GALNTL6: variants seen among roughly 807,000 people sequenced by gnomAD.
GALNTL6 encodes the protein polypeptide N-acetylgalactosaminyltransferase like 6.
GALNTL6 carries 46 observed loss-of-function variants against 73.7 expected under a neutral mutation model. The observed-to-expected ratio is 0.62, with a 90% CI of 0.49 to 0.80. The LOEUF is 0.80. Ranked by LOEUF, GALNTL6 falls within the 30% of genes least tolerant of loss-of-function variation. GALNTL6 has a pLI of 0.00. For missense variants in GALNTL6, 604 were observed against 755.0 expected (o/e 0.80, Z 2.34); for synonymous variants, 259 against 263.7 (o/e 0.98, Z 0.17).
intron 2 of GALNTL6, among the ~76,000 whole-genome samples, chr4:172,224,902 C>G (rs961392126): frequency 6.6e-6 from 1 of 152,088 alleles, no homozygotes; most frequent in Non-Finnish European, 1.5e-5. Context: ...CTCTGGGATC[C>G]CAGCCCTCAC....
chr4:172,404,854 A>G (rs1441782886), intron 5 of GALNTL6, among the ~76,000 whole-genome samples: 1 of 152,072 alleles, frequency 6.6e-6, no homozygotes, highest in Admixed American at 6.6e-5. Flanking sequence ...TTGTGTAATG[A>G]AGAGCTAATT....
At chr4:172,806,287 T>C (rs1425682305) in intron 5 of GALNTL6, among the ~76,000 whole-genome samples, 1 of 152,194 alleles carries the variant, frequency 6.6e-6, no homozygotes, top group Non-Finnish European at 1.5e-5. Context: ...ATGGACACTA[T>C]TGAAGGGTCA....
At chr4:172,167,191 A>G (rs1734654819) in intron 2 of GALNTL6, among the ~76,000 whole-genome samples, 1 of 152,242 alleles carries the variant, frequency 6.6e-6, no homozygotes, top group South Asian at 2.1e-4. Context: ...TTGGGGGAGT[A>G]GTGCAATGAT....
intron 5 of GALNTL6, among the ~76,000 whole-genome samples, chr4:172,607,873 T>C (rs1738366725): frequency 6.6e-6 from 1 of 152,216 alleles, no homozygotes; most frequent in Non-Finnish European, 1.5e-5. Context: ...TTTCATATGC[T>C]TGTTGGCCAC....
chr4:171,973,034 T>G (rs1280630096), intron 2 of GALNTL6, among the ~76,000 whole-genome samples: 1 of 152,214 alleles, frequency 6.6e-6, no homozygotes, highest in African/African-American at 2.4e-5. Context: ...AAGAGTATTC[T>G]ATTTTCATTG....
chr4:172,515,779 TC>T (rs900874293), intron 5 of GALNTL6, among the ~76,000 whole-genome samples: 2 of 152,136 alleles, frequency 1.3e-5, no homozygotes, highest in African/African-American at 4.8e-5. Context: ...AGGAGAGCCC[TC>T]AAACACCAAT....
intron 2 of GALNTL6, among the ~76,000 whole-genome samples, chr4:171,985,175 G>C (rs1740029575): frequency 6.6e-6 from 1 of 152,052 alleles, no homozygotes; most frequent in African/African-American, 2.4e-5. Flanking sequence ...CACTGATAAA[G>C]ATATGCCTGA....
At chr4:172,097,680 G>C (rs568135084) in intron 2 of GALNTL6, among the ~76,000 whole-genome samples, 1 of 152,270 alleles carries the variant, frequency 6.6e-6, no homozygotes, top group African/African-American at 2.4e-5. Flanking sequence ...GTCATTGTTT[G>C]TTGAGCAACC....
intron 4 of GALNTL6, among the ~76,000 whole-genome samples, chr4:172,346,130 A>C (rs2111210441): frequency 6.6e-6 from 1 of 152,352 alleles, no homozygotes; most frequent in East Asian, 1.9e-4. Flanking sequence ...TGCCAGCATC[A>C]TCTGCTAGAG....
intron 3 of GALNTL6, among the ~76,000 whole-genome samples, chr4:172,247,027 C>A (rs1183149589): frequency 2.0e-5 from 3 of 151,918 alleles, no homozygotes; most frequent in Non-Finnish European, 4.4e-5. Flanking sequence ...TGTGCCTCAC[C>A]CATCTATGGA....
At chr4:173,003,476 T>C (rs1752137184) in intron 10 of GALNTL6, among the ~76,000 whole-genome samples, 3 of 152,308 alleles carry the variant, frequency 2.0e-5, no homozygotes, top group Non-Finnish European at 2.9e-5. Flanking sequence ...GATTTGGCCA[T>C]GGCAGCACCC....
rs115200899 is a variant in GALNTL6 at position 172,861,975 on chromosome 4, G to A, written c.924-20815G>A. On this transcript the variant is annotated intron_variant, in intron 7 of 12. Transcript: ENST00000506823. ...TAAATTGGTACCGATAGAATGGGGT[G>A]CTTCTGAAAAGAGGCCCCAAAATGT... Among the ~76,000 whole-genome samples the A allele has an allele frequency of 2.4e-3, 363 of 152,294 alleles. 2 individuals carry two copies. Among genetic ancestry groups the A allele is most frequent in the African/African-American group, 8.5e-3 (354 of 41,562 alleles).
intron 2 of GALNTL6, among the ~76,000 whole-genome samples, chr4:171,997,164 G>A (rs1740519766): frequency 6.6e-6 from 1 of 152,084 alleles, no homozygotes; most frequent in African/African-American, 2.4e-5. Flanking sequence ...GAACTTGCAT[G>A]CAAATGACTT....
chr4:172,834,940 T>C (rs1272211222), intron 7 of GALNTL6, among the ~76,000 whole-genome samples: 1 of 152,228 alleles, frequency 6.6e-6, no homozygotes, highest in Non-Finnish European at 1.5e-5. Flanking sequence ...GGGAAAATTA[T>C]AGTTTTTATT....
chr4:172,682,785 C>CTTAA (rs1732699049), intron 5 of GALNTL6, among the ~76,000 whole-genome samples: 1 of 151,960 alleles, frequency 6.6e-6, no homozygotes, highest in South Asian at 2.1e-4. Context: ...TTAACCTGGT[C>CTTAA]AGTTCCAGGA....
chr4:171,879,125 A>G (rs1001114553), intron 2 of GALNTL6, among the ~76,000 whole-genome samples: 2 of 152,214 alleles, frequency 1.3e-5, no homozygotes, highest in South Asian at 4.1e-4. Context: ...AGAGAATCAC[A>G]GAATAGGATG....
At chr4:172,499,756 A>G (rs560898803) in intron 5 of GALNTL6, among the ~76,000 whole-genome samples, 1 of 152,212 alleles carries the variant, frequency 6.6e-6, no homozygotes, top group Non-Finnish European at 1.5e-5. Flanking sequence ...AATAGAAGCT[A>G]TTTACAACGA....
chr4:172,288,973 T>A (rs1265189551), intron 3 of GALNTL6, among the ~76,000 whole-genome samples: 3 of 152,306 alleles, frequency 2.0e-5, no homozygotes, highest in East Asian at 3.9e-4. Flanking sequence ...TAGCTTTGCA[T>A]GTGACATTTA....
chr4:172,314,825 G>T (rs1249888622), intron 4 of GALNTL6, among the ~76,000 whole-genome samples: 1 of 152,002 alleles, frequency 6.6e-6, no homozygotes, highest in Non-Finnish European at 1.5e-5. Context: ...GGCCAGGCTG[G>T]TCTCAAACTC....
Sources: gnomAD v4.1 joint callset for allele counts (sites outside exome capture counted in the v4.1 genomes callset) on GRCh38, gnomAD v4.1.1 for gene constraint, MANE v1.5 for transcripts, NCBI Gene and HGNC (gene_info 2026-07-23, HGNC 2026-07-21) for gene names.